The following CDC42SE2 variants were observed in gnomAD, a reference collection of about 807,000 sequenced individuals.
The protein encoded by CDC42SE2 is CDC42 small effector 2, also known as CDC42 small effector protein 2.
In CDC42SE2, 3 loss-of-function variants were observed where a neutral mutation model predicts 11.5. That is an observed-to-expected ratio of 0.26 (90% CI 0.12 to 0.67). CDC42SE2 has a LOEUF of 0.67. Ranked by LOEUF, CDC42SE2 falls within the 30% of genes least tolerant of loss-of-function variation. CDC42SE2 has a pLI of 0.80. For missense variants in CDC42SE2, 82 were observed against 106.8 expected, an observed-to-expected ratio of 0.77 and a Z score of 1.02; for synonymous variants, 33 against 34.8, an observed-to-expected ratio of 0.95 and a Z score of 0.18.
At chr5:131,308,354 A>G (rs916558565) in intron 1 of CDC42SE2, among the ~76,000 whole-genome samples, 4 of 151,614 alleles carry the variant, frequency 2.6e-5, no homozygotes, top group East Asian at 1.9e-4. Flanking sequence ...GTAGCCTTGT[A>G]GTATAGTTTG....
At chr5:131,282,431 A>G (rs1757255042) in intron 1 of CDC42SE2, among the ~76,000 whole-genome samples, 2 of 152,230 alleles carry the variant, frequency 1.3e-5, no homozygotes. Flanking sequence ...GTGATGACAC[A>G]GGTACTAAAT....
the CDC42SE2 span, among the ~76,000 whole-genome samples, chr5:131,229,166 GGT>G: frequency 4.7e-4 from 70 of 149,436 alleles, no homozygotes; most frequent in African/African-American, 1.2e-3. Context: ...TACCTTATGG[GGT>G]GTGTGTGTGT....
chr5:131,374,528 CAA>C (rs11311226), intron 3 of CDC42SE2, among the ~76,000 whole-genome samples: 4,030 of 70,478 alleles, frequency 0.057, 77 homozygotes, highest in East Asian at 0.16. Context: ...GAGACTGTCT[CAA>C]AAAAAAAAAA....
intron 4 of CDC42SE2, among the ~76,000 whole-genome samples, chr5:131,389,693 G>A (rs890932980): frequency 6.6e-6 from 1 of 152,222 alleles, no homozygotes; most frequent in Non-Finnish European, 1.5e-5. Flanking sequence ...TTATGTTACA[G>A]TAGGTGCTCA....
chr5:131,295,684 CTTT>C (rs1159996671), intron 1 of CDC42SE2, among the ~76,000 whole-genome samples: 2 of 139,684 alleles, frequency 1.4e-5, no homozygotes, highest in Admixed American at 7.3e-5. Context: ...GGGTGAAACA[CTTT>C]TTTTTTTTTT....
In CDC42SE2 at chr5:131,391,440, G is replaced by A. The variant is rs1303814683; in HGVS notation, c.*349G>A. On this transcript the variant is annotated 3_prime_UTR_variant, in exon 5 of 5. Coordinates refer to ENST00000505065, the MANE Select transcript of CDC42SE2 (RefSeq NM_001375635.1). ...TAATCCCAGCACTTTGGGAGGCCTA[G>A]GTGGGCTGATCACCTGAGGCCAGGA... The A allele has an allele frequency of 6.5e-6, 1 of 153,658 alleles. No homozygotes were observed. Among genetic ancestry groups the A allele is most frequent in the Non-Finnish European group, 1.4e-5 (1 of 69,216 alleles). 9.5% of individuals were successfully genotyped at this position (153,658 alleles called of 1,614,324 possible).
chr5:131,240,071 C>T, the CDC42SE2 span, among the ~76,000 whole-genome samples: 1,760 of 152,310 alleles, frequency 0.012, 17 homozygotes, highest in Non-Finnish European at 0.018. Context: ...TCAGTTCATA[C>T]ACTTTCCACT....
At chr5:131,356,250 T>C (rs1749540511) in intron 2 of CDC42SE2, among the ~76,000 whole-genome samples, 1 of 152,232 alleles carries the variant, frequency 6.6e-6, no homozygotes, top group South Asian at 2.1e-4. Flanking sequence ...TCTAAAGATT[T>C]CAAAAAGTAT....
At chr5:131,232,289 T>G in the CDC42SE2 span, among the ~76,000 whole-genome samples, 2 of 151,878 alleles carry the variant, frequency 1.3e-5, no homozygotes, top group Admixed American at 6.6e-5. Flanking sequence ...AATTTTTGTG[T>G]TTTTTGTGGA....
At chr5:131,381,763 C>G (rs1009460801) in intron 3 of CDC42SE2, among the ~76,000 whole-genome samples, 1 of 152,234 alleles carries the variant, frequency 6.6e-6, no homozygotes, top group African/African-American at 2.4e-5. Context: ...CCACCTATAG[C>G]TATTGTGGAA....
intron 3 of CDC42SE2, among the ~76,000 whole-genome samples, chr5:131,382,636 C>T (rs1337124384): frequency 6.6e-6 from 1 of 152,160 alleles, no homozygotes; most frequent in African/African-American, 2.4e-5. Flanking sequence ...AGCCAAGTGG[C>T]TCTCTCTGCA....
At chr5:131,367,712 G>A (rs191484462) in intron 3 of CDC42SE2, among the ~76,000 whole-genome samples, 32 of 152,048 alleles carry the variant, frequency 2.1e-4, no homozygotes, top group Middle Eastern at 3.4e-3. Context: ...TCCCTCTTAC[G>A]TTCTGAATAC....
intron 1 of CDC42SE2, among the ~76,000 whole-genome samples, chr5:131,309,130 A>G (rs1757842911): frequency 6.6e-6 from 1 of 152,098 alleles, no homozygotes; most frequent in Admixed American, 6.6e-5. Flanking sequence ...ATCAATACCT[A>G]ATTTATTGAG....
At chr5:131,311,943 T>C (rs966808717) in intron 1 of CDC42SE2, among the ~76,000 whole-genome samples, 18 of 152,242 alleles carry the variant, frequency 1.2e-4, no homozygotes, top group African/African-American at 4.3e-4. Context: ...TTCACTCAGC[T>C]CGTCAAAGTC....
At chr5:131,390,407 G>T (rs1202695930) in intron 4 of CDC42SE2, among the ~76,000 whole-genome samples, 1 of 151,928 alleles carries the variant, frequency 6.6e-6, no homozygotes, top group East Asian at 1.9e-4. Context: ...TTGATCGGCC[G>T]GGTGCGGTGG....
intron 2 of CDC42SE2, among the ~76,000 whole-genome samples, chr5:131,332,927 A>G (rs1758456827): frequency 1.3e-5 from 2 of 151,776 alleles, no homozygotes; most frequent in South Asian, 4.2e-4. Flanking sequence ...TTGCCTGTTC[A>G]CTCTGATGGT....
At chr5:131,348,763 A>G (rs545386017) in intron 2 of CDC42SE2, among the ~76,000 whole-genome samples, 1 of 152,228 alleles carries the variant, frequency 6.6e-6, no homozygotes, top group Non-Finnish European at 1.5e-5. Context: ...TACAGTAACC[A>G]AAACAGCATG....
chr5:131,236,722 C>G, the CDC42SE2 span, among the ~76,000 whole-genome samples: 1 of 152,210 alleles, frequency 6.6e-6, no homozygotes, highest in Non-Finnish European at 1.5e-5. Context: ...TCACACTCAA[C>G]CGATTAAATT....
chr5:131,314,575 T>C (rs1227180617), intron 1 of CDC42SE2, among the ~76,000 whole-genome samples: 1 of 152,148 alleles, frequency 6.6e-6, no homozygotes, highest in Non-Finnish European at 1.5e-5. Flanking sequence ...TCTATAGAAA[T>C]AGAATTGATT....
Sources: gnomAD v4.1 joint callset for allele counts (sites outside exome capture counted in the v4.1 genomes callset) on GRCh38, gnomAD v4.1.1 for gene constraint, MANE v1.5 for transcripts, NCBI Gene and HGNC (gene_info 2026-07-23, HGNC 2026-07-21) for gene names.